The following ANK1 variants were observed in gnomAD, a reference collection of about 807,000 sequenced individuals.
ANK1 encodes ankyrin-1.
A neutral mutation model predicts 210.4 loss-of-function variants in ANK1; 51 were observed. That is an observed-to-expected ratio of 0.24 (90% CI 0.19 to 0.31). The LOEUF is 0.31. ANK1 is among the 10% of genes least tolerant of loss of function. The probability of loss-of-function intolerance (pLI) is 1.00; values close to 1 mark genes in which losing one functional copy is unlikely to be tolerated. For synonymous variants in ANK1, 967 were observed against 1,025.9 expected (o/e 0.94, Z 1.10); for missense variants, 2,051 against 2,504.4 (o/e 0.82, Z 3.86).
At chr8:41,702,548 T>C (rs1464078381) in intron 20 of ANK1, among the ~76,000 whole-genome samples, 1 of 152,224 alleles carries the variant, frequency 6.6e-6, no homozygotes, top group African/African-American at 2.4e-5. Context: ...AGTCTGTTCT[T>C]GGGTGTCAGT....
At chr8:41,841,888 A>C (rs1194963135) in intron 1 of ANK1, among the ~76,000 whole-genome samples, 1 of 152,234 alleles carries the variant, frequency 6.6e-6, no homozygotes, top group African/African-American at 2.4e-5. Flanking sequence ...GGGGCAGAGA[A>C]GCAGCTCATG....
chr8:41,816,155 C>T (rs1803290186), intron 1 of ANK1, among the ~76,000 whole-genome samples: 1 of 152,192 alleles, frequency 6.6e-6, no homozygotes, highest in African/African-American at 2.4e-5. Context: ...TTAGATAAAG[C>T]TAGCCATCAT....
intron 3 of ANK1, among the ~76,000 whole-genome samples, chr8:41,732,359 A>G (rs1832379432): frequency 6.6e-6 from 1 of 152,216 alleles, no homozygotes; most frequent in Non-Finnish European, 1.5e-5. Flanking sequence ...AAGAGAAAAC[A>G]GTAACTGGGG....
chr8:41,732,254 G>A (rs1397730938), intron 3 of ANK1, among the ~76,000 whole-genome samples: 3 of 152,116 alleles, frequency 2.0e-5, no homozygotes, highest in Non-Finnish European at 4.4e-5. Context: ...GGTTGTGTGT[G>A]AGACCACGTG....
intron 1 of ANK1, among the ~76,000 whole-genome samples, chr8:41,771,113 C>G (rs1842878804): frequency 6.6e-6 from 1 of 152,204 alleles, no homozygotes; most frequent in African/African-American, 2.4e-5. Flanking sequence ...CATAAAGAAA[C>G]TGTAAGTCTT....
At chr8:41,819,863 T>C (rs1803915203) in intron 1 of ANK1, among the ~76,000 whole-genome samples, 1 of 152,228 alleles carries the variant, frequency 6.6e-6, no homozygotes, top group Non-Finnish European at 1.5e-5. Flanking sequence ...TCATCCATTT[T>C]CTTCTGTCTC....
Position 41,867,562 on chromosome 8 carries a change from C to T in ANK1, c.126+28793G>A, listed in dbSNP as rs149321140. 3.4e-3 allele frequency among the ~76,000 whole-genome samples: 514 copies of T among 152,278 alleles called. 5 individuals are homozygous for T. The highest frequency in any genetic ancestry group is 0.012 in the African/African-American group (490 of 41,554). On this transcript the variant is annotated intron_variant, in intron 1 of 42. Coordinates refer to the ANK1 transcript ENST00000265709. ...CTCAAGAGTCAAGCCCTGTTCCCTG[C>T]AGGCCTTTTCCCATGCCATTCCCTC...
At chr8:41,700,031 C>T (rs140015967) in intron 22 of ANK1, among the ~76,000 whole-genome samples, 17 of 152,336 alleles carry the variant, frequency 1.1e-4, no homozygotes, top group African/African-American at 3.4e-4. Context: ...ACGGGTCAAT[C>T]GGCTGCCTAC....
intron 1 of ANK1, among the ~76,000 whole-genome samples, chr8:41,867,115 C>T (rs892688215): frequency 2.6e-5 from 4 of 152,194 alleles, no homozygotes; most frequent in African/African-American, 9.7e-5. Context: ...GACCCCAACG[C>T]TGGGAGAAGC....
intron 1 of ANK1, among the ~76,000 whole-genome samples, chr8:41,895,903 C>CCA (rs541030197): frequency 5.6e-4 from 85 of 150,686 alleles, no homozygotes; most frequent in African/African-American, 1.8e-3. Context: ...GCAGAGCTGC[C>CCA]CCCCCCCGGC....
upstream of ANK1, among the ~76,000 whole-genome samples, chr8:41,799,633 T>G (rs1849549626): frequency 6.6e-6 from 1 of 152,102 alleles, no homozygotes; most frequent in Non-Finnish European, 1.5e-5. Context: ...GTGCAGTGCT[T>G]CCGGTGGGCA....
In ANK1 at chr8:41,686,258, A is replaced by G. The variant is rs1817653161; in HGVS notation, c.4284T>C (p.Ser1428=). ...CTCGGATCCTGTTGATGTCTTCCAC[A>G]CTGAACTGCAGCTCCCGGGCCAACT... The part of the protein sequence containing the change: ...WAELARELQF[S]VEDINRIRVE... Residue 1428 remains serine (S), a synonymous_variant, in exon 36 of 43, where the codon AGT becomes AGC. Coordinates refer to ENST00000289734, the MANE Select transcript of ANK1 (RefSeq NM_000037.4). The G allele has an allele frequency of 1.2e-6, 2 of 1,613,934 alleles. No individual in the cohort carries two copies. Among genetic ancestry groups the G allele is most frequent in the Non-Finnish European group, 1.7e-6 (2 of 1,180,024 alleles).
rs145855845 is a variant in ANK1, at chr8:41,654,847, C to G, written c.*943G>C. Reference sequence around the variant, plus strand: ...GCTGGTGCAATCCTGGGTCAGCCACCGGCCTGTCCCCCAACTGAGAGAGGA... The same window carrying G: ...GCTGGTGCAATCCTGGGTCAGCCACGGGCCTGTCCCCCAACTGAGAGAGGA... On this transcript the variant is annotated 3_prime_UTR_variant, in exon 43 of 43. Transcript: ENST00000289734. The G allele has an allele frequency of 1.3e-5, 2 of 152,646 alleles. No homozygotes were observed. The highest frequency in any genetic ancestry group is 1.5e-5 in the Non-Finnish European group (1 of 68,040). 9.5% of individuals were successfully genotyped at this position (152,646 alleles called of 1,614,324 possible).
At chr8:41,755,546 T>A (rs954332108) in intron 2 of ANK1, among the ~76,000 whole-genome samples, 1 of 152,160 alleles carries the variant, frequency 6.6e-6, no homozygotes, top group Non-Finnish European at 1.5e-5. Flanking sequence ...CAGGTGTGCA[T>A]CTCTGCAAGC....
intron 1 of ANK1, among the ~76,000 whole-genome samples, chr8:41,852,699 C>T (rs1811480505): frequency 1.3e-5 from 2 of 152,232 alleles, no homozygotes; most frequent in Admixed American, 1.3e-4. Flanking sequence ...GGAGCTGCAG[C>T]TCACCACGGT....
At chr8:41,682,307 G>A (rs988243284) in intron 37 of ANK1, among the ~76,000 whole-genome samples, 3 of 152,118 alleles carry the variant, frequency 2.0e-5, no homozygotes, top group Non-Finnish European at 4.4e-5. Context: ...GCAAGTCCTC[G>A]AGTGCCACCC....
At chr8:41,714,881 C>CA (rs1230800881) in intron 15 of ANK1, 95 bp downstream of exon 15, 56 of 1,296,872 alleles carry the variant, frequency 4.3e-5, no homozygotes, top group Non-Finnish European at 4.8e-5. Flanking sequence ...AGATGAACAA[C>CA]ACAGGCAAGA....
intron 2 of ANK1, among the ~76,000 whole-genome samples, chr8:41,751,291 C>T (rs1028718662): frequency 1.3e-5 from 2 of 152,182 alleles, no homozygotes; most frequent in Non-Finnish European, 2.9e-5. Context: ...CCATAGGACA[C>T]ATCCTATGCC....
chr8:41,752,544 G>T (rs1417836262), intron 2 of ANK1, among the ~76,000 whole-genome samples: 2 of 152,058 alleles, frequency 1.3e-5, no homozygotes, highest in African/African-American at 4.8e-5. Context: ...ACCAGGATCT[G>T]GAACAGCTCT....
Sources: gnomAD v4.1 joint callset for allele counts (sites outside exome capture counted in the v4.1 genomes callset) on GRCh38, gnomAD v4.1.1 for gene constraint, MANE v1.5 for transcripts, NCBI Gene and HGNC (gene_info 2026-07-23, HGNC 2026-07-21) for gene names.